Variants in KIF5B observed in about 807,000 individuals in gnomAD.
KIF5B encodes kinesin family member 5B, also known as kinesin-1 heavy chain.
In KIF5B, 49 loss-of-function variants were observed where a neutral mutation model predicts 132.8. The observed-to-expected ratio is 0.37, with a 90% CI of 0.29 to 0.47. The LOEUF is 0.47. Ranked by LOEUF, KIF5B falls within the 20% of genes least tolerant of loss-of-function variation. The pLI is 1.00. For synonymous variants in KIF5B, 355 were observed against 369.4 expected, an observed-to-expected ratio of 0.96 and a Z score of 0.45; for missense variants, 780 against 1,144.0, an observed-to-expected ratio of 0.68 and a Z score of 4.59.
At chr10:32,015,453 A>G in intron 25 of KIF5B, 56 bp downstream of exon 25, 1 of 1,367,042 alleles carries the variant, frequency 7.3e-7, no homozygotes, top group Non-Finnish European at 9.8e-7. Flanking sequence ...CAAAAAACCT[A>G]TTTAACAACC....
intron 2 of KIF5B, among the ~76,000 whole-genome samples, chr10:32,040,859 G>A (rs368409963): frequency 6.6e-6 from 1 of 151,700 alleles, no homozygotes; most frequent in East Asian, 1.9e-4. Context: ...TTGGTGGCGC[G>A]TGCCTGTAGT....
intron 25 of KIF5B, among the ~76,000 whole-genome samples, chr10:32,012,895 T>A (rs377300626): frequency 6.7e-6 from 1 of 149,712 alleles, no homozygotes; most frequent in Non-Finnish European, 1.5e-5. Context: ...TCTTAACTCA[T>A]GTAATTTTTT....
At chr10:32,053,744 AT>A (rs1228713340) in intron 1 of KIF5B, among the ~76,000 whole-genome samples, 1 of 151,716 alleles carries the variant, frequency 6.6e-6, no homozygotes. Flanking sequence ...AAAAAAAAAA[AT>A]CTCAAAAAAA....
Position 32,033,874 on chromosome 10 carries a change from C to T in KIF5B, c.1276G>A (p.Ala426Thr), listed in dbSNP as rs1592447271. 1 of 1,612,798 alleles carries T rather than the reference C, an allele frequency of 6.2e-7. No homozygotes were observed. Among genetic ancestry groups the T allele is most frequent in the East Asian group, 2.2e-5 (1 of 44,806 alleles). Residue 426 changes from alanine (A) to threonine (T), a missense_variant, in exon 12 of 26, where the codon GCT becomes ACT. Physicochemically the swap from Ala to Thr is moderately conservative, Grantham distance 58 (BLOSUM62 0). Transcript: ENST00000302418. ...TCATCAAGCTGTTTGTATAATTTAG[C>T]AATTTCTTCTTCACACTTTCTTCTT... ...AERRKCEEEI[A>T]KLYKQLDDKD...
At chr10:32,044,352 T>C (rs1841582106) in intron 2 of KIF5B, among the ~76,000 whole-genome samples, 1 of 152,176 alleles carries the variant, frequency 6.6e-6, no homozygotes, top group South Asian at 2.1e-4. Flanking sequence ...ACACGACTGA[T>C]TGAATTAATA....
At chr10:32,018,869 A>C (rs1841218438) in intron 20 of KIF5B, among the ~76,000 whole-genome samples, 1 of 152,042 alleles carries the variant, frequency 6.6e-6, no homozygotes, top group African/African-American at 2.4e-5. Context: ...CTGTCTAAAA[A>C]AATTTTTGTA....
chr10:32,041,088 G>A (rs186967958), intron 2 of KIF5B, among the ~76,000 whole-genome samples: 20 of 149,250 alleles, frequency 1.3e-4, no homozygotes, highest in African/African-American at 4.7e-4. Flanking sequence ...GGAGGTTGCA[G>A]TGAGCTGAGA....
chr10:32,044,056 C>T (rs945920901), intron 2 of KIF5B, among the ~76,000 whole-genome samples: 5 of 152,200 alleles, frequency 3.3e-5, no homozygotes, highest in South Asian at 2.1e-4. Flanking sequence ...CCTACCCCTA[C>T]GCCATCTTTC....
chr10:32,047,847 G>C (rs551478049), intron 2 of KIF5B, among the ~76,000 whole-genome samples: 4 of 152,280 alleles, frequency 2.6e-5, no homozygotes, highest in South Asian at 4.1e-4. Context: ...CAAAGTAACA[G>C]CCATTCCTTT....
chr10:32,048,620 G>A, intron 1 of KIF5B, 69 bp from the exon 2 acceptor site: 1 of 1,062,388 alleles, frequency 9.4e-7, no homozygotes, highest in East Asian at 2.4e-5. Context: ...CTTTACAGAT[G>A]CCATCATATA....
chr10:32,034,135 G>C (rs895777569), intron 11 of KIF5B, 97 bp from the exon 12 acceptor site: 17 of 691,946 alleles, frequency 2.5e-5, no homozygotes, highest in Middle Eastern at 3.3e-4. Context: ...TTTTGAGACA[G>C]AGTCTCAATC....
intron 14 of KIF5B, among the ~76,000 whole-genome samples, chr10:32,029,177 C>A (rs1841367917): frequency 6.6e-6 from 1 of 152,140 alleles, no homozygotes; most frequent in African/African-American, 2.4e-5. Context: ...CAGTTTGGTG[C>A]CCACTTTAAA....
intron 13 of KIF5B, 73 bp downstream of exon 13, chr10:32,032,633 A>G: frequency 1.7e-6 from 2 of 1,159,850 alleles, no homozygotes; most frequent in Non-Finnish European, 2.6e-6. Context: ...ACTATTAAAG[A>G]CAAAGTCAAT....
intron 20 of KIF5B, among the ~76,000 whole-genome samples, chr10:32,019,595 T>C (rs1182460969): frequency 6.6e-6 from 1 of 152,194 alleles, no homozygotes; most frequent in Non-Finnish European, 1.5e-5. Context: ...TGAAGTAATA[T>C]GGAGATAAAG....
In KIF5B at chr10:32,049,619, C is replaced by T. The variant is rs186240333; in HGVS notation, c.127-1068G>A. Reference sequence around the variant, plus strand: ...ATCAAAACGGTTAAAAAGACATCATCTTATTCTGAAAACAGCTTTGATCTT... The same window carrying T: ...ATCAAAACGGTTAAAAAGACATCATTTTATTCTGAAAACAGCTTTGATCTT... On this transcript the variant is annotated intron_variant, in intron 1 of 25. Transcript: ENST00000302418. Among the ~76,000 whole-genome samples, 62 of 152,192 alleles carry T rather than the reference C, an allele frequency of 4.1e-4. No homozygotes were observed. The East Asian group carries it at 0.011, about 28-fold the overall frequency.
intron 19 of KIF5B, among the ~76,000 whole-genome samples, chr10:32,020,794 A>G (rs1177329939): frequency 6.6e-6 from 1 of 152,158 alleles, no homozygotes; most frequent in African/African-American, 2.4e-5. Context: ...TAATAGACTT[A>G]GGTTGGGGAT....
rs372826143 is a variant in KIF5B at position 32,023,002 on chromosome 10, A to G, written c.1760T>C (p.Phe587Ser). ...PEGTGMIDEE[F>S]TVARLYISKM... ...GCTAATGTAGAGTCTTGCAACAGTG[A>G]ACTCTTCATCTATCATGCCAGTTCC... The change falls in exon 16 of 26, where the codon TTC becomes TCC. Residue 587 changes from phenylalanine to serine, a missense_variant. Transcript: ENST00000302418. The G allele has an allele frequency of 6.2e-7, 1 of 1,609,196 alleles. No homozygotes were observed. The highest frequency in any genetic ancestry group is 8.5e-7 in the Non-Finnish European group (1 of 1,177,138).
chr10:32,012,565 A>C (rs975522155), intron 25 of KIF5B, among the ~76,000 whole-genome samples: 1 of 152,248 alleles, frequency 6.6e-6, no homozygotes, highest in African/African-American at 2.4e-5. Context: ...TTGGACCAGC[A>C]TCAAAACAAA....
In KIF5B at chr10:32,018,545, C is replaced by T. The variant is rs201506716; in HGVS notation, c.2324G>A (p.Arg775Gln). 25 of 1,612,810 alleles carry T rather than the reference C, an allele frequency of 1.6e-5. No individual in the cohort carries two copies. The Admixed American group carries it at 2.2e-4, about 14-fold the overall frequency. Residue 775 changes from arginine (R) to glutamine (Q), a missense_variant, in exon 21 of 26, where the codon CGA becomes CAA. By Grantham distance (43) the Arg-to-Gln change is conservative. This residue lies in a region of KIF5B where 471 missense variants were observed against 569.9 expected (regional missense o/e 0.83). Coordinates refer to ENST00000302418, the MANE Select transcript of KIF5B (RefSeq NM_004521.3). ...CTTCAAGTCTTGTCTTGCTTGTTCT[C>T]GTCTATCTTGCATAACCCTAACAGT... ...LHELTVMQDR[R>Q]EQARQDLKGL... is the part of the protein sequence containing the mutation.
Sources: gnomAD v4.1 joint callset for allele counts (sites outside exome capture counted in the v4.1 genomes callset) on GRCh38, gnomAD v4.1.1 for gene constraint, gnomAD v4.1.1 regional missense constraint, MANE v1.5 for transcripts, NCBI Gene and HGNC (gene_info 2026-07-23, HGNC 2026-07-21) for gene names.